Variants in ZNF185 observed in about 807,000 individuals in gnomAD.
The protein encoded by ZNF185 is zinc finger protein 185.
A neutral mutation model predicts 58.6 loss-of-function variants in ZNF185; 56 were observed. The ratio of observed to expected loss-of-function variants is 0.95; its 90% CI spans 0.77 to 1.19. ZNF185 has a LOEUF of 1.19. Ranked by LOEUF, ZNF185 falls within the 50% of genes most tolerant of loss-of-function variation. The probability of loss-of-function intolerance (pLI) is 0.00; values close to 1 mark genes in which losing one functional copy is unlikely to be tolerated. For synonymous variants in ZNF185, 230 were observed against 215.9 expected (o/e 1.07, Z -0.57); for missense variants, 627 against 573.5 (o/e 1.09, Z -0.95).
At chrX:152,920,354 G>C in exon 8 of ZNF185, 2 of 1,211,117 alleles carry the variant, frequency 1.7e-6, no homozygotes, top group Non-Finnish European at 2.2e-6. Context: ...GGTGTTCTGA[G>C]GAGGACAGCT....
At chrX:152,932,246 T>C (rs782037367) in intron 13 of ZNF185, among the ~76,000 whole-genome samples, 113 of 112,444 alleles carry the variant, frequency 1.0e-3, no homozygotes, top group Non-Finnish European at 1.8e-3. Context: ...GCGGAGACTT[T>C]CAGGATGACC....
chrX:152,938,377 T>C (rs1177095834), intron 15 of ZNF185, among the ~76,000 whole-genome samples: 2 of 112,345 alleles, frequency 1.8e-5, no homozygotes, highest in Non-Finnish European at 3.8e-5. Flanking sequence ...AAATACATCA[T>C]AGTCAGAAAG....
At position 152,938,021 on chromosome X, in the gene ZNF185, G is replaced by T. The variant is rs1340434361; in HGVS notation, c.1122-53G>T. On this transcript the variant is annotated intron_variant, in intron 14 of 22. Coordinates refer to ENST00000449285, the Ensembl canonical transcript of ZNF185. ...GGCAGCCTGGAGGGGGAAGACCTGGGCCCCAGCCTTCTTTGGTCTGAGATC... is the reference window on the plus strand; with the variant it reads ...GGCAGCCTGGAGGGGGAAGACCTGGTCCCCAGCCTTCTTTGGTCTGAGATC... 3 of 1,119,423 alleles carry T rather than the reference G, an allele frequency of 2.7e-6. No homozygotes were observed. In the African/African-American group the frequency reaches 5.5e-5, roughly 20 times the overall value. The allele number at this position is 1,119,423 out of a possible 1,213,427, so 92.3% of individuals were successfully genotyped here.
Position 152,969,865 on chromosome X carries a change from C to G in ZNF185, c.1974+381C>G, listed in dbSNP as rs150803281. On this transcript the variant is annotated intron_variant, in intron 21 of 22. Transcript: ENST00000449285. ...GTGGGCTAGATCATGTAGGCCTTGG[C>G]GGGCACAGAGTTTGGATTTTATTCT... is the stretch of plus-strand genomic sequence containing the variant. Among the ~76,000 whole-genome samples, 4 of 112,422 alleles carry G rather than the reference C, an allele frequency of 3.6e-5. No individual in the cohort carries two copies. The Admixed American group carries it at 3.7e-4, about 11-fold the overall frequency.
chrX:152,901,217 T>A, the ZNF185 span, among the ~76,000 whole-genome samples: 1 of 109,522 alleles, frequency 9.1e-6, no homozygotes, highest in East Asian at 2.8e-4. Flanking sequence ...AAAGTCTGAC[T>A]CGCTTTCTTT....
intron 15 of ZNF185, among the ~76,000 whole-genome samples, chrX:152,943,067 T>A (rs1480567272): frequency 9.0e-6 from 1 of 111,453 alleles, no homozygotes; most frequent in Non-Finnish European, 1.9e-5. Context: ...TGCAATGGGG[T>A]GATCTCGGCT....
chrX:152,916,597 C>T (rs782667043), intron 3 of ZNF185, among the ~76,000 whole-genome samples: 7 of 112,107 alleles, frequency 6.2e-5, no homozygotes, highest in Non-Finnish European at 1.1e-4. Context: ...AAGAGGGCCC[C>T]GAGGGACAGG....
chrX:152,949,634 G>A (rs1438352915), intron 16 of ZNF185, among the ~76,000 whole-genome samples: 3 of 111,486 alleles, frequency 2.7e-5, no homozygotes, highest in Non-Finnish European at 5.7e-5. Context: ...CTGGGCACAC[G>A]CCAGGAAGAA....
At chrX:152,970,354 G>A (rs1222469054) in intron 21 of ZNF185, 89 bp from the exon 24 acceptor site, 7 of 839,514 alleles carry the variant, frequency 8.3e-6, no homozygotes, top group African/African-American at 2.0e-5. Context: ...GCATCTGCTC[G>A]CCCACCTTGT....
the ZNF185 span, among the ~76,000 whole-genome samples, chrX:152,909,047 C>T: frequency 4.4e-5 from 5 of 112,955 alleles, no homozygotes; most frequent in South Asian, 3.6e-4. Flanking sequence ...GTCTTCTGGC[C>T]GCTTTGCTGG....
chrX:152,939,065 G>GC (rs2046816297), intron 15 of ZNF185, among the ~76,000 whole-genome samples: 3 of 111,651 alleles, frequency 2.7e-5, no homozygotes, highest in Non-Finnish European at 5.7e-5. Context: ...GATGGAGCAG[G>GC]GCCTTGGTAA....
chrX:152,911,338 G>T (rs192547409), upstream of ZNF185, among the ~76,000 whole-genome samples: 106 of 111,794 alleles, frequency 9.5e-4, 1 homozygote, highest in Admixed American at 8.1e-3. Flanking sequence ...GTCGGCATTG[G>T]GGGGAAAGAG....
At chrX:152,920,888 G>A (rs782200968) in intron 9 of ZNF185, 140 bp downstream of exon 10, 140 of 732,540 alleles carry the variant, frequency 1.9e-4, no homozygotes, top group Non-Finnish European at 2.7e-4. Flanking sequence ...GGAGTTGTGA[G>A]GGGCTGGGGG....
chrX:152,918,389 G>A (rs1424265347), intron 6 of ZNF185, among the ~76,000 whole-genome samples: 2 of 112,905 alleles, frequency 1.8e-5, no homozygotes, highest in Non-Finnish European at 3.8e-5. Context: ...AGCGGAGACC[G>A]CAGGAAGCTT....
chrX:152,954,161 T>A (rs1449486093), intron 16 of ZNF185, among the ~76,000 whole-genome samples: 7 of 110,378 alleles, frequency 6.3e-5, no homozygotes, highest in African/African-American at 2.3e-4. Context: ...CCTTTTTTTT[T>A]CAGTAGGGAG....
At chrX:152,933,099 C>T in intron 14 of ZNF185, 128 bp downstream of exon 15, 1 of 421,459 alleles carries the variant, frequency 2.4e-6, no homozygotes, top group Non-Finnish European at 4.1e-6. Flanking sequence ...TACTGCTTCT[C>T]CCACACTCCC....
the ZNF185 span, among the ~76,000 whole-genome samples, chrX:152,901,967 G>A: frequency 6.2e-5 from 7 of 112,198 alleles, no homozygotes; most frequent in Admixed American, 6.6e-4. Flanking sequence ...TCAGAAACAC[G>A]GTCTAGGCTT....
At chrX:152,927,166 A>T (rs1941015263) in intron 11 of ZNF185, among the ~76,000 whole-genome samples, 1 of 112,626 alleles carries the variant, frequency 8.9e-6, no homozygotes. Flanking sequence ...CCTGATTTAA[A>T]TGAGGCAGCC....
At position 152,918,161 on chromosome X, in the gene ZNF185, A is replaced by G; in HGVS notation, c.431+7A>G. ...CTGAGGATTACAAGAAGCTGTGAGT[A>G]TGCAACGCCAGGCTCAGCGTGGTTC... is the stretch of plus-strand genomic sequence containing the variant. On this transcript the variant is annotated splice_region_variant and intron_variant, in intron 6 of 22. Coordinates refer to ENST00000449285, the Ensembl canonical transcript of ZNF185. 1 of 1,185,489 alleles carries G rather than the reference A, an allele frequency of 8.4e-7. No individual in the cohort carries two copies. The highest frequency in any genetic ancestry group is 1.1e-6 in the Non-Finnish European group (1 of 881,660).
Sources: gnomAD v4.1 joint callset for allele counts (sites outside exome capture counted in the v4.1 genomes callset) on GRCh38, gnomAD v4.1.1 for gene constraint, MANE v1.5 for transcripts, NCBI Gene and HGNC (gene_info 2026-07-23, HGNC 2026-07-21) for gene names.